Variants in ANO1 observed in about 807,000 individuals in gnomAD.
ANO1 encodes the protein anoctamin-1.
Under a neutral mutation model 124.0 loss-of-function variants are expected in ANO1, and 59 were observed. The observed-to-expected ratio is 0.48, with a 90% CI of 0.39 to 0.59. ANO1 has a LOEUF of 0.59. Ranked by LOEUF, ANO1 falls within the 20% of genes least tolerant of loss-of-function variation. ANO1 has a pLI of 0.00. For synonymous variants in ANO1, 529 were observed against 532.0 expected (o/e 0.99, Z 0.08); for missense variants, 1,059 against 1,328.0 (o/e 0.80, Z 3.15).
intron 8 of ANO1, among the ~76,000 whole-genome samples, chr11:70,120,246 C>T (rs1183383178): frequency 2.0e-5 from 3 of 151,770 alleles, no homozygotes; most frequent in Non-Finnish European, 2.9e-5. Flanking sequence ...GCAGCCATCA[C>T]TCTTGGCCTG....
chr11:69,979,394 G>A, the ANO1 span, among the ~76,000 whole-genome samples: 11 of 152,116 alleles, frequency 7.2e-5, no homozygotes, highest in South Asian at 2.1e-4. Flanking sequence ...AGTTGGACCC[G>A]GATTTTAATC....
At chr11:69,998,031 C>T (rs556214636) in intron 1 of ANO1, among the ~76,000 whole-genome samples, 9 of 152,266 alleles carry the variant, frequency 5.9e-5, no homozygotes, top group East Asian at 1.9e-4. Context: ...TCTTTCTCCA[C>T]GCCTCCTCCT....
rs113214121 is a variant in ANO1, at chr11:70,188,102, G to A, written c.*98G>A. 7.2e-7 allele frequency: 1 copy of A among 1,395,136 alleles called. No homozygotes were observed. Among genetic ancestry groups the A allele is most frequent in the Non-Finnish European group, 9.4e-7 (1 of 1,058,496 alleles). The allele number at this position is 1,395,136 out of a possible 1,614,324, so 86.4% of individuals were successfully genotyped here. On this transcript the variant is annotated 3_prime_UTR_variant, in exon 26 of 26. Transcript: ENST00000355303. ...TCCCGCTCCCACCAGGGCCCGGTGGGTCCTGGGTTTTCTGCAAACATGGAG... is the reference window on the plus strand; with the variant it reads ...TCCCGCTCCCACCAGGGCCCGGTGGATCCTGGGTTTTCTGCAAACATGGAG...
chr11:70,179,995 T>G lies in ANO1; in HGVS notation c.2351-9T>G, dbSNP rs774234851. 1 of 1,611,630 alleles carries G rather than the reference T, an allele frequency of 6.2e-7. No individual in the cohort carries two copies. On this transcript the variant is annotated splice_polypyrimidine_tract_variant and intron_variant, in intron 22 of 25. Transcript: ENST00000355303. ...GGCTCTTTAAAACTGTGACTTCTTC[T>G]TCCCCCAGGAATCTGGTACAATATC...
intron 1 of ANO1, among the ~76,000 whole-genome samples, chr11:70,031,893 C>T (rs1175786018): frequency 6.6e-6 from 1 of 152,202 alleles, no homozygotes; most frequent in African/African-American, 2.4e-5. Context: ...GCAGAAGCAC[C>T]TTGAACTCCC....
the ANO1 span, among the ~76,000 whole-genome samples, chr11:69,971,241 G>T: frequency 3.9e-5 from 6 of 152,184 alleles, no homozygotes; most frequent in Non-Finnish European, 7.3e-5. Context: ...TAAAAGGGGA[G>T]AGTTGGTCCC....
At chr11:70,116,404 G>C in intron 7 of ANO1, 54 bp from the exon 8 acceptor site, 1 of 1,503,036 alleles carries the variant, frequency 6.7e-7, no homozygotes, top group Non-Finnish European at 9.1e-7. Context: ...GGATGTGAGC[G>C]CCTCCAAAGC....
intron 11 of ANO1, among the ~76,000 whole-genome samples, chr11:70,149,071 G>A (rs1465649876): frequency 6.6e-6 from 1 of 152,188 alleles, no homozygotes; most frequent in Non-Finnish European, 1.5e-5. Flanking sequence ...GTGAGTGAGT[G>A]GCCTGGGCTC....
At chr11:70,019,022 G>A (rs546387807) in intron 1 of ANO1, among the ~76,000 whole-genome samples, 91 of 152,372 alleles carry the variant, frequency 6.0e-4, no homozygotes, top group African/African-American at 2.0e-3. Context: ...ATGGCATTGT[G>A]CAGCCATGTG....
chr11:70,045,944 G>T (rs1857254023), intron 1 of ANO1, among the ~76,000 whole-genome samples: 1 of 152,178 alleles, frequency 6.6e-6, no homozygotes, highest in South Asian at 2.1e-4. Context: ...TCTTGCTCTG[G>T]ACATCTAACT....
At chr11:70,170,143 G>GC in intron 21 of ANO1, 1 of 456,460 alleles carries the variant, frequency 2.2e-6, no homozygotes, top group South Asian at 1.5e-5. Flanking sequence ...GGGAAGTTTG[G>GC]GCTCTGGAAG....
At chr11:70,104,939 C>T (rs2045444837) in intron 4 of ANO1, among the ~76,000 whole-genome samples, 1 of 152,150 alleles carries the variant, frequency 6.6e-6, no homozygotes, top group African/African-American at 2.4e-5. Context: ...TCACTGGATG[C>T]ATTTACCAGG....
intron 1 of ANO1, among the ~76,000 whole-genome samples, chr11:70,082,732 T>C (rs2044240691): frequency 6.6e-6 from 1 of 152,178 alleles, no homozygotes; most frequent in African/African-American, 2.4e-5. Flanking sequence ...AATTACATCT[T>C]TGCCTTTTTG....
chr11:69,977,018 G>A, the ANO1 span, among the ~76,000 whole-genome samples: 1 of 152,216 alleles, frequency 6.6e-6, no homozygotes, highest in African/African-American at 2.4e-5. Flanking sequence ...GAGTGATGAG[G>A]CCAGCCCCAG....
At chr11:69,996,769 G>A (rs1163973467) in intron 1 of ANO1, among the ~76,000 whole-genome samples, 14 of 152,176 alleles carry the variant, frequency 9.2e-5, no homozygotes, top group Admixed American at 5.2e-4. Flanking sequence ...TAGAGTCTGA[G>A]GACAATAATC....
intron 1 of ANO1, among the ~76,000 whole-genome samples, chr11:70,071,455 G>C (rs1265815401): frequency 6.6e-6 from 1 of 152,046 alleles, no homozygotes; most frequent in Non-Finnish European, 1.5e-5. Flanking sequence ...ATAGGAAAAG[G>C]CTCTGTAGCT....
chr11:69,997,519 TC>T (rs1554998571), intron 1 of ANO1, among the ~76,000 whole-genome samples: 1 of 151,654 alleles, frequency 6.6e-6, no homozygotes, highest in Non-Finnish European at 1.5e-5. Flanking sequence ...CAGGAAAAGC[TC>T]TCCCCCAGCC....
intron 4 of ANO1, among the ~76,000 whole-genome samples, chr11:70,105,358 C>T (rs750457517): frequency 2.1e-4 from 32 of 151,668 alleles, no homozygotes; most frequent in Non-Finnish European, 3.5e-4. Context: ...CTGATGGTGG[C>T]GGTGATACTG....
chr11:70,051,069 TAC>T (rs1440077411), intron 1 of ANO1, among the ~76,000 whole-genome samples: 21 of 152,296 alleles, frequency 1.4e-4, no homozygotes, highest in African/African-American at 5.1e-4. Context: ...ATCATAATTT[TAC>T]AGTTTGATGA....
Sources: allele counts gnomAD v4.1 joint callset (sites outside exome capture counted in the v4.1 genomes callset), GRCh38; gene constraint gnomAD v4.1.1; transcripts MANE v1.5; gene names NCBI Gene and HGNC (gene_info 2026-07-23, HGNC 2026-07-21).